DNMT3A: variants seen among roughly 807,000 people sequenced by gnomAD.
DNMT3A encodes DNA methyltransferase 3 alpha.
DNMT3A carries 267 observed loss-of-function variants against 117.6 expected under a neutral mutation model. The observed-to-expected ratio is 2.27, with a 90% CI of 2.05 to 2.51. The LOEUF is 2.51. Among genes scored for constraint, DNMT3A ranks in the 30% most tolerant of loss-of-function variants. The pLI, the probability that DNMT3A is intolerant of heterozygous loss-of-function variation, is 0.00. For missense variants in DNMT3A, 1,029 were observed against 1,260.2 expected (o/e 0.82, Z 2.78); for synonymous variants, 432 against 474.8 (o/e 0.91, Z 1.17).
At position 25,239,694 on chromosome 2, in the gene DNMT3A, G is replaced by A. The variant is rs563363863; in HGVS notation, c.2323-479C>T. 9.2e-5 allele frequency among the ~76,000 whole-genome samples: 14 copies of A among 152,202 alleles called. No homozygotes were observed. The South Asian group carries it at 2.5e-3, about 27-fold the overall frequency. Reference sequence around the variant, plus strand: ...AGCCCTGATTAGAACTCAAACAGACGCCTGCTCACACTTACAGTCAGAACA... The same window carrying A: ...AGCCCTGATTAGAACTCAAACAGACACCTGCTCACACTTACAGTCAGAACA... On this transcript the variant is annotated intron_variant, in intron 19 of 22. Coordinates refer to ENST00000321117, the MANE Select transcript of DNMT3A (RefSeq NM_022552.5).
intron 1 of DNMT3A, among the ~76,000 whole-genome samples, chr2:25,319,017 CTTTT>C (rs567787303): frequency 9.7e-6 from 1 of 103,266 alleles, no homozygotes. Flanking sequence ...TTCTTTCTTT[CTTTT>C]TTTTTTTTTT....
intron 3 of DNMT3A, among the ~76,000 whole-genome samples, chr2:25,299,534 C>G (rs2033297663): frequency 6.6e-6 from 1 of 152,208 alleles, no homozygotes; most frequent in African/African-American, 2.4e-5. Context: ...TGCTTCCCTT[C>G]CAGAGGGAGG....
At chr2:25,260,916 C>T (rs1184804895) in intron 6 of DNMT3A, among the ~76,000 whole-genome samples, 2 of 152,072 alleles carry the variant, frequency 1.3e-5, no homozygotes, top group African/African-American at 4.8e-5. Context: ...ATCACTTGAG[C>T]CCAAGAGTCC....
At chr2:25,263,038 G>A (rs1294679956) in intron 6 of DNMT3A, among the ~76,000 whole-genome samples, 1 of 152,142 alleles carries the variant, frequency 6.6e-6, no homozygotes, top group Non-Finnish European at 1.5e-5. Context: ...ATGGCTCACT[G>A]CAGCCTCGAC....
chr2:25,238,030 C>T (rs1324579734), intron 20 of DNMT3A, among the ~76,000 whole-genome samples: 7 of 152,242 alleles, frequency 4.6e-5, no homozygotes, highest in African/African-American at 9.6e-5. Context: ...ACTGCCCAGT[C>T]GGCCCTGCAT....
chr2:25,235,393 C>T (rs1359336145), intron 22 of DNMT3A, among the ~76,000 whole-genome samples: 9 of 152,020 alleles, frequency 5.9e-5, no homozygotes, highest in Non-Finnish European at 2.9e-5. Flanking sequence ...CCATGTTGGC[C>T]AGGCTGGTCT....
At chr2:25,326,336 G>C (rs1032754608) in intron 1 of DNMT3A, among the ~76,000 whole-genome samples, 11 of 152,152 alleles carry the variant, frequency 7.2e-5, no homozygotes, top group African/African-American at 2.7e-4. Flanking sequence ...GGGCTCTCTG[G>C]GCAAAAGGGT....
At chr2:25,269,118 T>C (rs2030632777) in intron 6 of DNMT3A, among the ~76,000 whole-genome samples, 1 of 152,180 alleles carries the variant, frequency 6.6e-6, no homozygotes, top group African/African-American at 2.4e-5. Flanking sequence ...GGTCAGGAGT[T>C]CGAGACCAGC....
intron 13 of DNMT3A, 91 bp downstream of exon 13, chr2:25,245,162 C>A: frequency 7.9e-7 from 1 of 1,268,988 alleles, no homozygotes. Flanking sequence ...CGGGTGTCAC[C>A]CTGTACATGC....
Position 25,244,229 on chromosome 2 carries a change from C to T in DNMT3A, c.1777G>A (p.Gly593Arg), listed in dbSNP as rs755573228. ...CAGTCCTCTCGCCGCCGCAGCAGCC[C>T]GTAGGTACCCTTGTGCCCGCACATG... ...CYMCGHKGTY[G>R]LLRRREDWPS... Residue 593 changes from glycine (G) to arginine (R), a missense_variant, in exon 15 of 23, where the codon GGG becomes AGG. Coordinates refer to ENST00000321117, the MANE Select transcript of DNMT3A (RefSeq NM_022552.5). The T allele has an allele frequency of 1.2e-6, 2 of 1,614,050 alleles. No individual in the cohort carries two copies. Among genetic ancestry groups the T allele is most frequent in the Non-Finnish European group, 1.7e-6 (2 of 1,180,028 alleles).
Position 25,234,418 on chromosome 2 carries a change from AC to A in DNMT3A, c.2599del (p.Val867TyrfsTer14), listed in dbSNP as rs761283545. On this transcript the variant is annotated frameshift_variant and splice_region_variant, in exon 23 of 23. Transcript: ENST00000321117. LOFTEE classifies it high-confidence loss of function. This position sits in a 1 kb window ranked among gnomAD's most constrained non-coding sequence, Gnocchi z 4.5. ...DILWCTEMER[V>X]FGFPVHYTDV... is the part of the protein sequence containing the mutation. ...AGTATAGTGGACTGGGAAACCAAAT[AC>A]CCTGGGGGAGAAAAGGCAGAGAGGG... 2.5e-6 allele frequency: 4 copies of A among 1,611,752 alleles called. No homozygotes were observed. Among genetic ancestry groups the A allele is most frequent in the Non-Finnish European group, 2.5e-6 (3 of 1,178,808 alleles).
intron 1 of DNMT3A, among the ~76,000 whole-genome samples, chr2:25,321,131 C>T (rs1311772831): frequency 6.7e-6 from 1 of 149,202 alleles, no homozygotes; most frequent in Non-Finnish European, 1.5e-5. Context: ...GAAACTCCGT[C>T]TCAAAAAAAA....
intron 9 of DNMT3A, 55 bp from the exon 10 acceptor site, chr2:25,246,831 G>C (rs977749060): frequency 6.3e-7 from 1 of 1,596,816 alleles, no homozygotes; most frequent in Non-Finnish European, 8.5e-7. Context: ...AAGGCAGATG[G>C]GTCAGGCTCA....
chr2:25,325,146 G>T (rs1386143553), intron 1 of DNMT3A, among the ~76,000 whole-genome samples: 3 of 152,128 alleles, frequency 2.0e-5, no homozygotes, highest in Non-Finnish European at 4.4e-5. Flanking sequence ...TGAGCGGGGG[G>T]GGGATTTATA....
Position 25,339,129 on chromosome 2 carries a change from C to T in DNMT3A, c.-178+2697G>A, listed in dbSNP as rs2035317239. Among the ~76,000 whole-genome samples, 1 of 152,012 alleles carries T rather than the reference C, an allele frequency of 6.6e-6. No individual in the cohort carries two copies. The highest frequency in any genetic ancestry group is 2.4e-5 in the African/African-American group (1 of 41,354). ...CTCATATCTCCTTCTCCTTGGAAGC[C>T]TTCCCCTATTACTGCCATGTGCCGA... is the stretch of plus-strand genomic sequence containing the variant. On this transcript the variant is annotated intron_variant, in intron 1 of 22. Transcript: ENST00000321117. This position sits in a 1 kb window ranked among gnomAD's most constrained non-coding sequence, Gnocchi z 4.9.
intron 3 of DNMT3A, among the ~76,000 whole-genome samples, chr2:25,288,323 G>T (rs1558711000): frequency 1.3e-5 from 2 of 151,948 alleles, no homozygotes; most frequent in Middle Eastern, 3.2e-3. Flanking sequence ...AGTCCCAGCT[G>T]CTGGGGAGGC....
At chr2:25,328,163 C>T (rs933925864) in intron 1 of DNMT3A, among the ~76,000 whole-genome samples, 1 of 152,222 alleles carries the variant, frequency 6.6e-6, no homozygotes, top group Non-Finnish European at 1.5e-5. Flanking sequence ...GAACTGTACA[C>T]TTATATGGGT....
At position 25,337,945 on chromosome 2, in the gene DNMT3A, C is replaced by A. The variant is rs532306454; in HGVS notation, c.-178+3881G>T. Among the ~76,000 whole-genome samples, 7 of 152,276 alleles carry A rather than the reference C, an allele frequency of 4.6e-5. No homozygotes were observed. In the South Asian group the frequency reaches 1.0e-3, roughly 23 times the overall value. On this transcript the variant is annotated intron_variant, in intron 1 of 22. Transcript: ENST00000321117. This position sits in a 1 kb window ranked among gnomAD's most constrained non-coding sequence, Gnocchi z 5.0. The stretch of plus-strand genomic sequence containing the variant: ...TTCTGACGGGCTCTCTGCTCACATA[C>A]TAATATTCAAACAAAAGTAGAAGCT...
chr2:25,300,624 GATATCTAAATAATATATTATTT>G (rs1344766796), intron 2 of DNMT3A, among the ~76,000 whole-genome samples: 2 of 2,658 alleles, frequency 7.5e-4, no homozygotes, highest in East Asian at 0.071. Context: ...ATATTATTTA[GATATCTAAATAATATATTATTT>G]AGATATCTAA....
Sources: allele counts gnomAD v4.1 joint callset (sites outside exome capture counted in the v4.1 genomes callset), GRCh38; gene constraint gnomAD v4.1.1; non-coding constraint Gnocchi (gnomAD v3.1); transcripts MANE v1.5; gene names NCBI Gene and HGNC (gene_info 2026-07-23, HGNC 2026-07-21).